Variants in MKLN1 observed in about 807,000 individuals in gnomAD.
The protein encoded by MKLN1 is muskelin 1, also known as muskelin.
In MKLN1, 18 loss-of-function variants were observed where a neutral mutation model predicts 99.0. That is an observed-to-expected ratio of 0.18 (90% CI 0.13 to 0.27). The LOEUF (loss-of-function observed/expected upper bound fraction) is 0.27. MKLN1 is among the 10% of genes least tolerant of loss of function. The pLI, the probability that MKLN1 is intolerant of heterozygous loss-of-function variation, is 1.00. For missense variants in MKLN1, 621 were observed against 875.9 expected (o/e 0.71, Z 3.67); for synonymous variants, 288 against 293.2 (o/e 0.98, Z 0.18).
At chr7:131,461,618 AAAG>A (rs1796516648) in intron 12 of MKLN1, among the ~76,000 whole-genome samples, 1 of 152,202 alleles carries the variant, frequency 6.6e-6, no homozygotes, top group African/African-American at 2.4e-5. Context: ...TAAAGTAGAT[AAAG>A]AAGACCAAGA....
At chr7:131,412,427 C>G (rs1426343486) in intron 7 of MKLN1, among the ~76,000 whole-genome samples, 3 of 152,114 alleles carry the variant, frequency 2.0e-5, no homozygotes, top group Non-Finnish European at 4.4e-5. Context: ...AACTTTATAA[C>G]CAGCTACTAA....
chr7:131,118,826 G>A (rs1056774449), intron 1 of MKLN1, among the ~76,000 whole-genome samples: 3 of 152,114 alleles, frequency 2.0e-5, no homozygotes, highest in Non-Finnish European at 4.4e-5. Flanking sequence ...AGAAGAACAA[G>A]GGGGACATCT....
chr7:131,211,786 A>G (rs769258796), intron 3 of MKLN1, among the ~76,000 whole-genome samples: 47 of 152,196 alleles, frequency 3.1e-4, no homozygotes, highest in Non-Finnish European at 4.9e-4. Flanking sequence ...TAGGAGGCTC[A>G]TAAAAGATCT....
intron 3 of MKLN1, among the ~76,000 whole-genome samples, chr7:131,225,348 C>T (rs1797131320): frequency 6.6e-6 from 1 of 152,130 alleles, no homozygotes; most frequent in South Asian, 2.1e-4. Flanking sequence ...CTAATCAGAG[C>T]CCCTCATGAC....
chr7:131,248,405 G>A (rs187736279), intron 3 of MKLN1, among the ~76,000 whole-genome samples: 73 of 152,184 alleles, frequency 4.8e-4, no homozygotes, highest in African/African-American at 1.5e-3. Flanking sequence ...TTCTACAAAC[G>A]AAATTGCCTT....
chr7:131,133,813 T>A (rs1795601379), intron 1 of MKLN1, among the ~76,000 whole-genome samples: 10 of 123,896 alleles, frequency 8.1e-5, no homozygotes, highest in Non-Finnish European at 8.2e-5. Context: ...TTTTTTTTTT[T>A]AATTTGGTTT....
chr7:131,202,470 C>T (rs1308109868), intron 2 of MKLN1, among the ~76,000 whole-genome samples: 1 of 151,972 alleles, frequency 6.6e-6, no homozygotes, highest in African/African-American at 2.4e-5. Context: ...CTATGTTGCC[C>T]AGGCTGGCCT....
chr7:131,447,466 A>G (rs1444017910), intron 12 of MKLN1, among the ~76,000 whole-genome samples: 1 of 152,112 alleles, frequency 6.6e-6, no homozygotes, highest in African/African-American at 2.4e-5. Context: ...TTGGGAGGCT[A>G]AGGTGAGAGG....
intron 4 of MKLN1, among the ~76,000 whole-genome samples, chr7:131,394,216 C>G (rs1177514922): frequency 6.6e-6 from 1 of 151,822 alleles, no homozygotes; most frequent in African/African-American, 2.4e-5. Context: ...ATTAAATATC[C>G]CAGCATTCCT....
At chr7:131,288,346 A>G (rs1798163978) in intron 3 of MKLN1, among the ~76,000 whole-genome samples, 1 of 152,116 alleles carries the variant, frequency 6.6e-6, no homozygotes, top group Non-Finnish European at 1.5e-5. Flanking sequence ...GTTTCTCTTC[A>G]GGCCTGGACT....
In MKLN1 at chr7:131,235,737, T is replaced by C. The variant is rs576850663; in HGVS notation, c.-179+32763T>C. On this transcript the variant is annotated intron_variant, in intron 3 of 7. Coordinates refer to the MKLN1 transcript ENST00000416992. ...TCTGTTGGCCTGTCGGCTTGCTTAG[T>C]GGGAGGGAGAGAGAGCTGGTACAAT... Among the ~76,000 whole-genome samples, 11 of 152,248 alleles carry C rather than the reference T, an allele frequency of 7.2e-5. No homozygotes were observed. The East Asian group carries it at 2.1e-3, about 29-fold the overall frequency.
chr7:131,340,121 G>A (rs1027686771), intron 1 of MKLN1, among the ~76,000 whole-genome samples: 5 of 151,856 alleles, frequency 3.3e-5, no homozygotes, highest in Non-Finnish European at 5.9e-5. Flanking sequence ...TCTAACTCCT[G>A]TTTATTCTCG....
At chr7:131,300,186 A>G (rs1197495019) in intron 3 of MKLN1, among the ~76,000 whole-genome samples, 1 of 152,112 alleles carries the variant, frequency 6.6e-6, no homozygotes, top group Non-Finnish European at 1.5e-5. Flanking sequence ...AAAATAAGAC[A>G]CAGAAGGAAT....
chr7:131,204,778 CA>C (rs2116416865), intron 3 of MKLN1, among the ~76,000 whole-genome samples: 1 of 152,170 alleles, frequency 6.6e-6, no homozygotes, highest in South Asian at 2.1e-4. Flanking sequence ...ATCCTGGCTA[CA>C]AAAAATTAGC....
intron 1 of MKLN1, among the ~76,000 whole-genome samples, chr7:131,349,375 T>G (rs1799654357): frequency 6.6e-6 from 1 of 152,160 alleles, no homozygotes; most frequent in African/African-American, 2.4e-5. Context: ...TTTTGTATTT[T>G]TAGTAGAGAC....
chr7:131,389,544 A>G (rs1360194265), intron 4 of MKLN1, among the ~76,000 whole-genome samples: 1 of 152,108 alleles, frequency 6.6e-6, no homozygotes, highest in African/African-American at 2.4e-5. Context: ...TGTTTGAAAA[A>G]TATTACCTTA....
At chr7:131,173,973 T>C (rs565888665) in intron 2 of MKLN1, among the ~76,000 whole-genome samples, 4,604 of 135,878 alleles carry the variant, frequency 0.034, 187 homozygotes, top group Non-Finnish European at 0.052. Flanking sequence ...TTTTTCTTTT[T>C]CTTTTTTTTT....
chr7:131,308,970 C>T (rs1798512901), intron 3 of MKLN1, among the ~76,000 whole-genome samples: 1 of 152,210 alleles, frequency 6.6e-6, no homozygotes, highest in South Asian at 2.1e-4. Context: ...GATGATAAGA[C>T]AACTGGGTCA....
In MKLN1 at chr7:131,360,761, C is replaced by G. The variant is rs112083760; in HGVS notation, c.99-14663C>G. 3.6e-3 allele frequency among the ~76,000 whole-genome samples: 550 copies of G among 152,166 alleles called. 2 individuals carry two copies. Among genetic ancestry groups the G allele is most frequent in the African/African-American group, 0.013 (523 of 41,508 alleles). On this transcript the variant is annotated intron_variant, in intron 1 of 17. Transcript: ENST00000352689. The stretch of plus-strand genomic sequence containing the variant: ...TTCTCTGACCCTCTTTCTTTATGTA[C>G]ATCAATGTTGTAACCTATATAGCTG...
Sources: allele counts gnomAD v4.1 joint callset (sites outside exome capture counted in the v4.1 genomes callset), GRCh38; gene constraint gnomAD v4.1.1; transcripts MANE v1.5; gene names NCBI Gene and HGNC (gene_info 2026-07-23, HGNC 2026-07-21).